Variants in GRAMD1B observed in about 807,000 individuals in gnomAD.
GRAMD1B encodes the protein protein Aster-B.
Under a neutral mutation model 99.7 loss-of-function variants are expected in GRAMD1B, and 37 were observed. That is an observed-to-expected ratio of 0.37 (90% CI 0.29 to 0.49). The LOEUF is 0.49. GRAMD1B is among the 20% of genes least tolerant of loss of function. The pLI, the probability that GRAMD1B is intolerant of heterozygous loss-of-function variation, is 0.98. For synonymous variants in GRAMD1B, 427 were observed against 387.6 expected (o/e 1.10, Z -1.19); for missense variants, 888 against 1,009.2 (o/e 0.88, Z 1.63).
chr11:123,595,900 C>T (rs113661038), intron 6 of GRAMD1B, 42 bp from the exon 7 acceptor site: 30 of 1,129,024 alleles, frequency 2.7e-5, no homozygotes, highest in African/African-American at 2.0e-4. Context: ...TACTAATGCC[C>T]CACTTTGCTT....
chr11:123,593,423 C>G (rs1313754311), intron 4 of GRAMD1B, among the ~76,000 whole-genome samples: 5 of 152,068 alleles, frequency 3.3e-5, no homozygotes, highest in African/African-American at 1.2e-4. Flanking sequence ...CAGCTGAGGA[C>G]CTGGGGCAGG....
intron 1 of GRAMD1B, among the ~76,000 whole-genome samples, chr11:123,446,558 C>T (rs940893191): frequency 2.0e-5 from 3 of 152,160 alleles, no homozygotes; most frequent in African/African-American, 7.2e-5. Flanking sequence ...AGGACAGTCG[C>T]CTGCCCATTC....
intron 2 of GRAMD1B, among the ~76,000 whole-genome samples, chr11:123,495,533 G>C (rs1161966379): frequency 6.6e-6 from 1 of 151,930 alleles, no homozygotes; most frequent in African/African-American, 2.4e-5. Flanking sequence ...TGTACCCATT[G>C]ATCAGCCCCA....
intron 1 of GRAMD1B, among the ~76,000 whole-genome samples, chr11:123,453,464 G>A (rs978431824): frequency 1.4e-4 from 21 of 152,032 alleles, no homozygotes; most frequent in Admixed American, 9.8e-4. Flanking sequence ...TTACAGGCAC[G>A]CGCCACCACA....
intron 15 of GRAMD1B, chr11:123,613,225 AG>A (rs1416119712): frequency 3.5e-6 from 2 of 577,890 alleles, no homozygotes; most frequent in Non-Finnish European, 6.1e-6. Context: ...TGTATACATG[AG>A]GGTGCAGATA....
At chr11:123,460,347 G>A (rs1391836608) in intron 1 of GRAMD1B, 1 of 152,120 alleles carries the variant, frequency 6.6e-6, no homozygotes, top group East Asian at 1.9e-4. Flanking sequence ...ATGAATTAAA[G>A]TACATGAATT....
At chr11:123,445,217 C>G (rs556523484) in intron 1 of GRAMD1B, among the ~76,000 whole-genome samples, 1 of 152,296 alleles carries the variant, frequency 6.6e-6, no homozygotes, top group East Asian at 1.9e-4. Flanking sequence ...GGTATTTCTG[C>G]CACTTAACCT....
At chr11:123,393,434 C>G (rs1947349023) in intron 1 of GRAMD1B, among the ~76,000 whole-genome samples, 1 of 152,220 alleles carries the variant, frequency 6.6e-6, no homozygotes. Context: ...AGCCTAGGCT[C>G]TCTCAGGAGG....
intron 2 of GRAMD1B, among the ~76,000 whole-genome samples, chr11:123,505,639 C>G (rs1052482590): frequency 2.6e-5 from 4 of 152,154 alleles, no homozygotes; most frequent in Non-Finnish European, 4.4e-5. Flanking sequence ...ATGGGGCACA[C>G]AGGGCTAAGT....
intron 2 of GRAMD1B, among the ~76,000 whole-genome samples, chr11:123,540,681 G>A (rs1490898306): frequency 6.6e-6 from 1 of 151,736 alleles, no homozygotes; most frequent in Non-Finnish European, 1.5e-5. Context: ...AACGAAATTG[G>A]TCATAATACC....
chr11:123,577,293 C>T, intron 2 of GRAMD1B, 74 bp from the exon 3 acceptor site: 2 of 1,299,582 alleles, frequency 1.5e-6, no homozygotes, highest in Non-Finnish European at 2.2e-6. Flanking sequence ...TGTCCTTGGC[C>T]TCGATCACTG....
chr11:123,400,675 G>A (rs986439562), intron 1 of GRAMD1B, among the ~76,000 whole-genome samples: 2 of 152,004 alleles, frequency 1.3e-5, no homozygotes, highest in African/African-American at 4.8e-5. Flanking sequence ...CCATTCATGA[G>A]GGCTCCACCC....
chr11:123,560,075 C>CG (rs1491025767), intron 2 of GRAMD1B, among the ~76,000 whole-genome samples: 2 of 142,152 alleles, frequency 1.4e-5, no homozygotes, highest in African/African-American at 6.0e-5. Context: ...ACCCCCCCCC[C>CG]CGCAGCCCCA....
rs1408586274 is a variant in GRAMD1B at position 123,619,124 on chromosome 11, C to A, written c.2444C>A (p.Thr815Lys). The part of the protein sequence containing the change: ...RLQERLPQSQ[T>K]EWAQLLESQQ... ...CCCCACAGGTTACCCCAGTCTCAGA[C>A]AGAATGGGCCCAGCTCTTAGAGTCC... The change falls in exon 19 of 20, where the codon ACA (threonine) becomes AAA (lysine). Residue 815 changes from threonine to lysine, a missense_variant. Around this residue, in one of 5 missense-constraint regions of GRAMD1B, gnomAD observed 232 missense variants for 261.7 expected, o/e 0.89. Coordinates refer to ENST00000635736, the MANE Select transcript of GRAMD1B (RefSeq NM_001387025.1). 1 of 1,557,462 alleles carries A rather than the reference C, an allele frequency of 6.4e-7. No homozygotes were observed. The highest frequency in any genetic ancestry group is 8.7e-7 in the Non-Finnish European group (1 of 1,148,526).
intron 1 of GRAMD1B, among the ~76,000 whole-genome samples, chr11:123,440,752 A>G (rs988406293): frequency 1.3e-5 from 2 of 152,094 alleles, no homozygotes; most frequent in East Asian, 1.9e-4. Context: ...TCTGCTTCTG[A>G]CCTTAGGAAG....
intron 1 of GRAMD1B, among the ~76,000 whole-genome samples, chr11:123,402,689 A>G (rs1322874072): frequency 6.6e-6 from 1 of 152,164 alleles, no homozygotes; most frequent in Non-Finnish European, 1.5e-5. Flanking sequence ...ATTGCCTCCC[A>G]AGTGACCTCA....
At chr11:123,564,442 G>A (rs1037214605) in intron 2 of GRAMD1B, among the ~76,000 whole-genome samples, 6 of 152,246 alleles carry the variant, frequency 3.9e-5, no homozygotes, top group Non-Finnish European at 8.8e-5. Flanking sequence ...TCAGAGAGGA[G>A]TAGTTTGTCC....
intron 12 of GRAMD1B, among the ~76,000 whole-genome samples, chr11:123,609,073 C>T (rs961948699): frequency 6.6e-6 from 1 of 152,106 alleles, no homozygotes; most frequent in Non-Finnish European, 1.5e-5. Context: ...TACCCTGTCC[C>T]TCCCCTCACA....
chr11:123,380,016 C>T (rs995067016), intron 1 of GRAMD1B, among the ~76,000 whole-genome samples: 2 of 152,142 alleles, frequency 1.3e-5, no homozygotes, highest in Non-Finnish European at 2.9e-5. Context: ...TAGGTCCTTT[C>T]TCCAGCTTTA....
Sources: gnomAD v4.1 joint callset for allele counts (sites outside exome capture counted in the v4.1 genomes callset) on GRCh38, gnomAD v4.1.1 for gene constraint, gnomAD v4.1.1 regional missense constraint, MANE v1.5 for transcripts, NCBI Gene and HGNC (gene_info 2026-07-23, HGNC 2026-07-21) for gene names.